COL23A1: variants seen among roughly 807,000 people sequenced by gnomAD.
The protein encoded by COL23A1 is collagen type XXIII alpha 1 chain.
COL23A1 carries 97 observed loss-of-function variants against 99.3 expected under a neutral mutation model. The ratio of observed to expected loss-of-function variants is 0.98; its 90% CI spans 0.83 to 1.16. COL23A1 has a LOEUF of 1.16. Ranked by LOEUF, COL23A1 falls within the 50% of genes most tolerant of loss-of-function variation. The pLI, the probability that COL23A1 is intolerant of heterozygous loss-of-function variation, is 0.00. For synonymous variants in COL23A1, 320 were observed against 308.2 expected (o/e 1.04, Z -0.40); for missense variants, 762 against 757.4 (o/e 1.01, Z -0.07).
At chr5:178,367,542 G>C (rs953312569) in intron 2 of COL23A1, among the ~76,000 whole-genome samples, 1 of 152,166 alleles carries the variant, frequency 6.6e-6, no homozygotes, top group Non-Finnish European at 1.5e-5. Context: ...GTGTTGAATG[G>C]AGGAGACCCT....
intron 1 of COL23A1, among the ~76,000 whole-genome samples, chr5:178,580,541 G>A (rs551388285): frequency 6.6e-6 from 1 of 151,820 alleles, no homozygotes; most frequent in South Asian, 2.1e-4. Flanking sequence ...TGTTCTCTGC[G>A]TGCCTATGTC....
At chr5:178,247,384 A>G in intron 22 of COL23A1, 142 bp downstream of exon 22, 1 of 870,458 alleles carries the variant, frequency 1.1e-6, no homozygotes, top group Non-Finnish European at 1.8e-6. Context: ...TGCCCTGGGG[A>G]CTTGGGACGT....
intron 5 of COL23A1, 138 bp downstream of exon 5, chr5:178,288,186 A>G (rs1174680516): frequency 8.3e-6 from 7 of 846,146 alleles, no homozygotes; most frequent in Non-Finnish European, 4.2e-6. Context: ...GCTCACGCTA[A>G]TCGCCTCCAC....
At chr5:178,517,447 G>A (rs1260889632) in intron 2 of COL23A1, among the ~76,000 whole-genome samples, 1 of 151,814 alleles carries the variant, frequency 6.6e-6, no homozygotes, top group African/African-American at 2.4e-5. Context: ...GTGCAGGAAG[G>A]ATGCTAACAG....
chr5:178,410,947 A>G (rs543548612), intron 2 of COL23A1, among the ~76,000 whole-genome samples: 2 of 152,356 alleles, frequency 1.3e-5, no homozygotes, highest in South Asian at 4.1e-4. Context: ...ACTCAACAAT[A>G]AAAATACAAA....
At chr5:178,536,883 C>T (rs746893405) in intron 2 of COL23A1, among the ~76,000 whole-genome samples, 92 of 152,238 alleles carry the variant, frequency 6.0e-4, no homozygotes, top group Non-Finnish European at 3.5e-4. Flanking sequence ...CTGAGCCCTC[C>T]GCCCCAGGCC....
chr5:178,472,400 A>G (rs1468659699), intron 2 of COL23A1, among the ~76,000 whole-genome samples: 2 of 152,130 alleles, frequency 1.3e-5, no homozygotes, highest in African/African-American at 4.8e-5. Context: ...TGGAGGAGCA[A>G]GTGAGGTGCC....
intron 15 of COL23A1, 70 bp downstream of exon 15, chr5:178,256,283 C>T (rs1765292886): frequency 2.6e-6 from 3 of 1,170,730 alleles, no homozygotes; most frequent in Non-Finnish European, 3.5e-6. Context: ...TCTGTGGGGA[C>T]AGGGGCTTCT....
intron 12 of COL23A1, among the ~76,000 whole-genome samples, chr5:178,258,031 C>T (rs909169880): frequency 6.6e-6 from 1 of 152,084 alleles, no homozygotes; most frequent in African/African-American, 2.4e-5. Flanking sequence ...CACCTGTGAA[C>T]AGCCACTGCA....
intron 2 of COL23A1, among the ~76,000 whole-genome samples, chr5:178,504,453 C>T (rs549216): frequency 0.056 from 8,524 of 152,174 alleles, 588 homozygotes; most frequent in African/African-American, 0.17. Flanking sequence ...AGGATGGGGA[C>T]AGGCAACAGG....
chr5:178,472,630 C>T (rs1468658131), intron 2 of COL23A1, among the ~76,000 whole-genome samples: 1 of 152,066 alleles, frequency 6.6e-6, no homozygotes, highest in Non-Finnish European at 1.5e-5. Context: ...TAATTTCCAC[C>T]CCTTAAAGGT....
intron 2 of COL23A1, among the ~76,000 whole-genome samples, chr5:178,495,708 G>C (rs1239980436): frequency 6.6e-6 from 1 of 152,234 alleles, no homozygotes; most frequent in East Asian, 1.9e-4. Flanking sequence ...CCAAGAAACA[G>C]CAAGCTGCAA....
At chr5:178,347,895 A>AC (rs1761074310) in intron 2 of COL23A1, among the ~76,000 whole-genome samples, 2 of 44,362 alleles carry the variant, frequency 4.5e-5, no homozygotes, top group African/African-American at 2.1e-4. Flanking sequence ...AAAAAAAAAA[A>AC]AACCCAAAAA....
At chr5:178,249,329 C>T in intron 18 of COL23A1, 123 bp from the exon 19 acceptor site, 1 of 918,688 alleles carries the variant, frequency 1.1e-6, no homozygotes, top group Non-Finnish European at 1.7e-6. Flanking sequence ...TCCCCACCTC[C>T]AGCCACAGTG....
At position 178,388,696 on chromosome 5, in the gene COL23A1, T is replaced by A. The variant is rs145314403; in HGVS notation, c.362-81777A>T. ...CTCATCCAGTGACCAGGCCACCGAG[T>A]GGCCTCCCTGCCTCCAGCCCAGCCC... On this transcript the variant is annotated intron_variant, in intron 2 of 28. Transcript: ENST00000390654. Among the ~76,000 whole-genome samples, 776 of 152,210 alleles carry A rather than the reference T, an allele frequency of 5.1e-3. 7 individuals carry two copies. The highest frequency in any genetic ancestry group is 0.021 in the Admixed American group (324 of 15,278).
At chr5:178,368,668 C>A (rs751093101) in intron 2 of COL23A1, among the ~76,000 whole-genome samples, 1 of 149,670 alleles carries the variant, frequency 6.7e-6, no homozygotes, top group Non-Finnish European at 1.5e-5. Context: ...CAGAAGCCAT[C>A]GGCCTCCAGA....
rs150860645 is a variant in COL23A1 at position 178,328,504 on chromosome 5, G to A, written c.362-21585C>T. ...TTCCCACGAACTTGGGTAACTCAAC[G>A]GCTCTGGGCCTTAGTTTTCCCACCT... On this transcript the variant is annotated intron_variant, in intron 2 of 28. Coordinates refer to ENST00000390654, the MANE Select transcript of COL23A1 (RefSeq NM_173465.4). Among the ~76,000 whole-genome samples, 247 of 152,298 alleles carry A rather than the reference G, an allele frequency of 1.6e-3. 1 individual carries two copies. The highest frequency in any genetic ancestry group is 5.7e-3 in the African/African-American group (236 of 41,564).
chr5:178,547,614 CCACACACACCCA>C (rs1761697090), intron 2 of COL23A1, among the ~76,000 whole-genome samples: 1 of 6,666 alleles, frequency 1.5e-4, no homozygotes, highest in Non-Finnish European at 4.0e-4. Context: ...CACACACCCC[CCACACACACCCA>C]CCCACACCCC....
In COL23A1 at chr5:178,364,412, G is replaced by GCC. The variant is rs1170448586; in HGVS notation, c.362-57495_362-57494dup. On this transcript the variant is annotated intron_variant, in intron 2 of 28. Coordinates refer to ENST00000390654, the MANE Select transcript of COL23A1 (RefSeq NM_173465.4). ...GGAGGGTGAGCTGAGGGTGAAGCAG[G>GCC]CCCACAGGAGGGTGAGCTGAGGGTG... 1.2e-3 allele frequency among the ~76,000 whole-genome samples: 182 copies of GCC among 152,014 alleles called. 4 individuals are homozygous for GCC. The South Asian group carries it at 0.026, about 21-fold the overall frequency.
Sources: gnomAD v4.1 joint callset for allele counts (sites outside exome capture counted in the v4.1 genomes callset) on GRCh38, gnomAD v4.1.1 for gene constraint, MANE v1.5 for transcripts, NCBI Gene and HGNC (gene_info 2026-07-23, HGNC 2026-07-21) for gene names.